NFKB1: variants seen among roughly 807,000 people sequenced by gnomAD.
The protein encoded by NFKB1 is nuclear factor NF-kappa-B p105 subunit.
A neutral mutation model predicts 105.1 loss-of-function variants in NFKB1; 9 were observed. The ratio of observed to expected loss-of-function variants is 0.09; its 90% CI spans 0.05 to 0.15. NFKB1 has a LOEUF of 0.15. Among genes scored for constraint, NFKB1 ranks in the 10% least tolerant of loss-of-function variants. NFKB1 has a pLI of 1.00. For synonymous variants in NFKB1, 440 were observed against 442.2 expected (o/e 1.00, Z 0.06); for missense variants, 830 against 1,203.7 (o/e 0.69, Z 4.59).
intron 1 of NFKB1, among the ~76,000 whole-genome samples, chr4:102,512,695 T>G (rs960924261): frequency 1.3e-5 from 2 of 152,202 alleles, no homozygotes; most frequent in African/African-American, 4.8e-5. Flanking sequence ...TAGAAAGGGC[T>G]TCATGGAGCC....
At chr4:102,587,019 T>C (rs1725764772) in intron 11 of NFKB1, among the ~76,000 whole-genome samples, 1 of 152,254 alleles carries the variant, frequency 6.6e-6, no homozygotes, top group Non-Finnish European at 1.5e-5. Context: ...TAGTGCACTC[T>C]ATATCCTGGT....
Position 102,607,287 on chromosome 4 carries a change from A to G in NFKB1, c.2092A>G (p.Asn698Asp). Residue 698 changes from asparagine (N) to aspartate (D), a missense_variant, in exon 18 of 24, where the codon AAC becomes GAC. Asn to Asp is a conservative substitution (Grantham distance 23). Transcript: ENST00000226574. ...TALHLAVEHD[N>D]ISLAGCLLLE... ...ACTGCACCTGGCTGTGGAGCACGAC[A>G]ACATCTCATTGGCAGGCTGCCTGCT... is the stretch of plus-strand genomic sequence containing the variant. 1 of 1,613,586 alleles carries G rather than the reference A, an allele frequency of 6.2e-7. No homozygotes were observed. Among genetic ancestry groups the G allele is most frequent in the Non-Finnish European group, 8.5e-7 (1 of 1,179,468 alleles).
chr4:102,614,682 T>C (rs1560725359), intron 23 of NFKB1, among the ~76,000 whole-genome samples: 1 of 152,100 alleles, frequency 6.6e-6, no homozygotes, highest in African/African-American at 2.4e-5. Context: ...CCTTTTCACC[T>C]TGACCACTTG....
chr4:102,519,396 T>G (rs1740421355), intron 1 of NFKB1, among the ~76,000 whole-genome samples: 1 of 148,228 alleles, frequency 6.7e-6, no homozygotes, highest in Admixed American at 6.8e-5. Context: ...TATAATATTA[T>G]AAGTATATAT....
chr4:102,537,755 T>C, intron 4 of NFKB1, 103 bp from the exon 5 acceptor site: 1 of 580,320 alleles, frequency 1.7e-6, no homozygotes, highest in East Asian at 3.0e-5. Flanking sequence ...TTTTCTTCTC[T>C]CATTTAGTAG....
intron 1 of NFKB1, among the ~76,000 whole-genome samples, chr4:102,505,331 A>T (rs553862015): frequency 7.9e-5 from 12 of 152,372 alleles, no homozygotes; most frequent in Admixed American, 6.5e-5. Context: ...TTAGAGTACT[A>T]ATAATAAAAA....
At chr4:102,563,187 T>C (rs1022022239) in intron 5 of NFKB1, among the ~76,000 whole-genome samples, 3 of 152,188 alleles carry the variant, frequency 2.0e-5, no homozygotes, top group Non-Finnish European at 2.9e-5. Context: ...CTACATCTTA[T>C]TCAAAAAGCA....
At chr4:102,530,758 GTACT>G (rs1316556853) in intron 3 of NFKB1, among the ~76,000 whole-genome samples, 1 of 152,144 alleles carries the variant, frequency 6.6e-6, no homozygotes, top group Admixed American at 6.6e-5. Context: ...GGTTACTACA[GTACT>G]TACTTTTCTT....
chr4:102,601,063 CTTCTG>C lies in NFKB1; in HGVS notation c.1752+57_1752+61del. 2.1e-5 allele frequency: 24 copies of C among 1,156,688 alleles called. No homozygotes were observed. In the South Asian group the frequency reaches 2.9e-4, roughly 14 times the overall value. 71.7% of individuals were successfully genotyped at this position (1,156,688 alleles called of 1,614,324 possible). ...AAGAAAAATCTGTAGTTTACTTTTT[CTTCTG>C]TTATGTTTGGGTGCATGTTATTTTT... On this transcript the variant is annotated intron_variant, in intron 16 of 23. Coordinates refer to ENST00000226574, the MANE Select transcript of NFKB1 (RefSeq NM_003998.4).
At position 102,548,462 on chromosome 4, in the gene NFKB1, C is replaced by T. The variant is rs141530608; in HGVS notation, c.258+10506C>T. ...GGAGGTGTAGTACTGGAAACTGCGT[C>T]GACGGTCACTGAGCCCTGCTTTAGG... On this transcript the variant is annotated intron_variant, in intron 5 of 23. Transcript: ENST00000226574. 4.0e-3 allele frequency among the ~76,000 whole-genome samples: 609 copies of T among 152,178 alleles called. 1 individual carries two copies. The highest frequency in any genetic ancestry group is 0.014 in the Middle Eastern group (4 of 294).
At chr4:102,572,125 A>G (rs756110886) in intron 6 of NFKB1, among the ~76,000 whole-genome samples, 1 of 152,198 alleles carries the variant, frequency 6.6e-6, no homozygotes, top group Non-Finnish European at 1.5e-5. Flanking sequence ...AAAATGTGGC[A>G]TATATACATC....
At chr4:102,514,801 T>A (rs142695999) in intron 1 of NFKB1, among the ~76,000 whole-genome samples, 1 of 152,326 alleles carries the variant, frequency 6.6e-6, no homozygotes, top group East Asian at 1.9e-4. Context: ...TCATTGTTTT[T>A]CTTTGATGAG....
intron 15 of NFKB1, 148 bp downstream of exon 15, chr4:102,597,809 G>A: frequency 1.0e-6 from 1 of 964,358 alleles, no homozygotes; most frequent in Non-Finnish European, 1.5e-6. Flanking sequence ...GTGTGAATAA[G>A]GTTAAGTAGC....
chr4:102,614,017 C>T (rs569517829), intron 23 of NFKB1, among the ~76,000 whole-genome samples: 1 of 152,176 alleles, frequency 6.6e-6, no homozygotes, highest in Non-Finnish European at 1.5e-5. Context: ...GAAATGGACT[C>T]TCAACCCAGC....
intron 5 of NFKB1, among the ~76,000 whole-genome samples, chr4:102,551,020 G>A (rs1047840147): frequency 4.6e-5 from 7 of 152,086 alleles, no homozygotes; most frequent in African/African-American, 1.4e-4. Flanking sequence ...AAAACCAAAG[G>A]GATCAATCAG....
intron 15 of NFKB1, among the ~76,000 whole-genome samples, chr4:102,598,555 A>T (rs1726842936): frequency 6.6e-6 from 1 of 152,210 alleles, no homozygotes; most frequent in Admixed American, 6.5e-5. Flanking sequence ...CTTGCAACGT[A>T]ACCAAGGATG....
intron 5 of NFKB1, among the ~76,000 whole-genome samples, chr4:102,538,828 C>A (rs1578736859): frequency 6.6e-6 from 1 of 152,140 alleles, no homozygotes; most frequent in Non-Finnish European, 1.5e-5. Context: ...CAAAATAGTT[C>A]TCACTATGTG....
chr4:102,571,111 G>T (rs1043670704), intron 6 of NFKB1, among the ~76,000 whole-genome samples: 4 of 152,154 alleles, frequency 2.6e-5, no homozygotes, highest in African/African-American at 9.7e-5. Flanking sequence ...AACCAAAACA[G>T]CATGGTACTG....
rs776752642 is a variant in NFKB1 at position 102,577,873 on chromosome 4, C to T, written c.571+834C>T. The T allele has an allele frequency of 7.4e-4, 726 of 985,146 alleles. 2 individuals carry two copies. The highest frequency in any genetic ancestry group is 8.6e-4 in the Non-Finnish European group (715 of 829,764). 61.0% of individuals were successfully genotyped at this position (985,146 alleles called of 1,614,324 possible). On this transcript the variant is annotated intron_variant, in intron 7 of 23. Coordinates refer to ENST00000226574, the MANE Select transcript of NFKB1 (RefSeq NM_003998.4). ...CTTCTCCCTGGTCTCTGTCCCTCCCCACTTCTAATCAAGTTTACATCTTGT... is the reference window on the plus strand; with the variant it reads ...CTTCTCCCTGGTCTCTGTCCCTCCCTACTTCTAATCAAGTTTACATCTTGT...
Sources: gnomAD v4.1 joint callset for allele counts (sites outside exome capture counted in the v4.1 genomes callset) on GRCh38, gnomAD v4.1.1 for gene constraint, MANE v1.5 for transcripts, NCBI Gene and HGNC (gene_info 2026-07-23, HGNC 2026-07-21) for gene names.